Variants in SORCS3 observed in about 807,000 individuals in gnomAD.
The protein encoded by SORCS3 is VPS10 domain-containing receptor SorCS3.
Under a neutral mutation model 146.3 loss-of-function variants are expected in SORCS3, and 57 were observed. The observed-to-expected ratio is 0.39, with a 90% CI of 0.31 to 0.49. SORCS3 has a LOEUF of 0.49. Ranked by LOEUF, SORCS3 falls within the 20% of genes least tolerant of loss-of-function variation. The pLI is 0.92. For missense variants in SORCS3, 1,341 were observed against 1,575.5 expected (o/e 0.85, Z 2.52); for synonymous variants, 653 against 618.5 (o/e 1.06, Z -0.83).
At chr10:105,114,574 C>T (rs1321753341) in intron 7 of SORCS3, among the ~76,000 whole-genome samples, 3 of 152,098 alleles carry the variant, frequency 2.0e-5, no homozygotes, top group Admixed American at 2.0e-4. Context: ...CCTAAAGATA[C>T]AGTTGGCCAC....
intron 14 of SORCS3, among the ~76,000 whole-genome samples, chr10:105,186,772 T>G (rs2056479842): frequency 6.6e-6 from 1 of 151,206 alleles, no homozygotes; most frequent in Non-Finnish European, 1.5e-5. Context: ...TAATCTCAGC[T>G]ACTTGGGAGG....
intron 24 of SORCS3, 112 bp from the exon 25 acceptor site, chr10:105,256,706 CT>C (rs747587111): frequency 2.7e-6 from 2 of 745,584 alleles, no homozygotes; most frequent in Non-Finnish European, 4.5e-6. Flanking sequence ...GAATTGGAGA[CT>C]AGACATAAGG....
chr10:105,240,364 A>G (rs918936792), intron 20 of SORCS3, among the ~76,000 whole-genome samples: 1 of 152,210 alleles, frequency 6.6e-6, no homozygotes, highest in Non-Finnish European at 1.5e-5. Flanking sequence ...AGGGAGAAAA[A>G]TGCCTGGTGG....
At chr10:104,864,625 T>C (rs1462192742) in intron 2 of SORCS3, among the ~76,000 whole-genome samples, 1 of 152,160 alleles carries the variant, frequency 6.6e-6, no homozygotes, top group African/African-American at 2.4e-5. Context: ...AGTTGGGTGC[T>C]CCAAGGTCTT....
At chr10:104,838,340 T>A (rs745536162) in intron 1 of SORCS3, among the ~76,000 whole-genome samples, 1 of 152,090 alleles carries the variant, frequency 6.6e-6, no homozygotes, top group African/African-American at 2.4e-5. Context: ...GTTTATTGCA[T>A]CTACTTTCAA....
At chr10:104,784,164 C>T (rs2017405994) in intron 1 of SORCS3, among the ~76,000 whole-genome samples, 1 of 152,124 alleles carries the variant, frequency 6.6e-6, no homozygotes, top group South Asian at 2.1e-4. Flanking sequence ...CTGGTGTTCC[C>T]CAGAGCATAG....
chr10:104,840,712 G>A (rs1171152309), intron 1 of SORCS3, among the ~76,000 whole-genome samples: 1 of 83,166 alleles, frequency 1.2e-5, no homozygotes, highest in Non-Finnish European at 2.4e-5. Flanking sequence ...TGCTAATTAA[G>A]TGAAACTCTT....
At chr10:105,146,905 A>C in intron 8 of SORCS3, among the ~76,000 whole-genome samples, 1 of 152,290 alleles carries the variant, frequency 6.6e-6, no homozygotes, top group East Asian at 1.9e-4. Context: ...AGAGAAACTG[A>C]CACATTCAGC....
At chr10:104,862,296 T>G (rs1488449682) in intron 2 of SORCS3, among the ~76,000 whole-genome samples, 1 of 152,194 alleles carries the variant, frequency 6.6e-6, no homozygotes. Flanking sequence ...TGATCCACAC[T>G]ACCATTAGTG....
At chr10:104,651,811 C>G (rs770635212) in intron 1 of SORCS3, among the ~76,000 whole-genome samples, 3 of 152,292 alleles carry the variant, frequency 2.0e-5, no homozygotes, top group African/African-American at 4.8e-5. Context: ...TTCCAACCAC[C>G]AGCACCAGGG....
chr10:105,139,481 C>A lies in SORCS3; in HGVS notation c.1297C>A (p.Pro433Thr). ...GATAAAGCTGCCTAAGTACTCGTTGCCAAAGGTACTGCATGCACCACTAGC... is the reference window on the plus strand; with the variant it reads ...GATAAAGCTGCCTAAGTACTCGTTGACAAAGGTACTGCATGCACCACTAGC... Reference protein sequence around the residue: ...AQIKLPKYSLPKDMHIISTDE... With the variant: ...AQIKLPKYSLTKDMHIISTDE... Residue 433 changes from proline (P) to threonine (T), a missense_variant, in exon 8 of 27, where the codon CCA becomes ACA. Coordinates refer to ENST00000369701, the MANE Select transcript of SORCS3 (RefSeq NM_014978.3). The A allele has an allele frequency of 3.1e-6, 5 of 1,612,938 alleles. No homozygotes were observed. Among genetic ancestry groups the A allele is most frequent in the Non-Finnish European group, 4.2e-6 (5 of 1,179,072 alleles).
intron 1 of SORCS3, among the ~76,000 whole-genome samples, chr10:104,703,819 C>T (rs972641388): frequency 9.2e-5 from 14 of 151,664 alleles, no homozygotes; most frequent in Admixed American, 2.6e-4. Context: ...TTTTCGACTC[C>T]ATCAGGGTTC....
intron 7 of SORCS3, among the ~76,000 whole-genome samples, chr10:105,107,926 G>T (rs2133755141): frequency 6.6e-6 from 1 of 152,280 alleles, no homozygotes; most frequent in East Asian, 1.9e-4. Context: ...TCTATAAAAA[G>T]AAGATAATTG....
At chr10:105,111,876 C>G (rs1021786781) in intron 7 of SORCS3, among the ~76,000 whole-genome samples, 1 of 152,152 alleles carries the variant, frequency 6.6e-6, no homozygotes, top group African/African-American at 2.4e-5. Flanking sequence ...AAAGAGCATT[C>G]TGCCCAGAGG....
At chr10:104,764,533 G>A (rs1056724877) in intron 1 of SORCS3, among the ~76,000 whole-genome samples, 2 of 152,188 alleles carry the variant, frequency 1.3e-5, no homozygotes, top group African/African-American at 4.8e-5. Flanking sequence ...AGAATTTTAT[G>A]CTTTACACAT....
chr10:104,830,725 C>A (rs2017991091), intron 1 of SORCS3, among the ~76,000 whole-genome samples: 1 of 152,234 alleles, frequency 6.6e-6, no homozygotes, highest in African/African-American at 2.4e-5. Context: ...GTAAACAGCA[C>A]AGCCTACTTC....
intron 2 of SORCS3, among the ~76,000 whole-genome samples, chr10:104,906,025 T>C (rs1438267626): frequency 2.0e-5 from 3 of 152,232 alleles, no homozygotes; most frequent in Non-Finnish European, 4.4e-5. Context: ...TATTTATTCA[T>C]GTTCCTTCAT....
At chr10:105,093,891 C>A (rs1279469297) in intron 6 of SORCS3, among the ~76,000 whole-genome samples, 1 of 151,902 alleles carries the variant, frequency 6.6e-6, no homozygotes. Context: ...TATATTCAGC[C>A]TAGAAAAATG....
chr10:105,014,074 T>TATATATATACACACATATATATAC (rs2055150759), intron 4 of SORCS3, among the ~76,000 whole-genome samples: 2 of 99,760 alleles, frequency 2.0e-5, no homozygotes, highest in Non-Finnish European at 4.6e-5. Flanking sequence ...TATACATATA[T>TATATATATACACACATATATATAC]ATATATATAC....
Sources: allele counts gnomAD v4.1 joint callset (sites outside exome capture counted in the v4.1 genomes callset), GRCh38; gene constraint gnomAD v4.1.1; transcripts MANE v1.5; gene names NCBI Gene and HGNC (gene_info 2026-07-23, HGNC 2026-07-21).